Variants in SGCZ observed in about 807,000 individuals in gnomAD.
SGCZ encodes the protein zeta-sarcoglycan.
In SGCZ, 40 loss-of-function variants were observed where a neutral mutation model predicts 41.3. The ratio of observed to expected loss-of-function variants is 0.97; its 90% CI spans 0.75 to 1.26. The LOEUF (loss-of-function observed/expected upper bound fraction) is 1.26. Among genes scored for constraint, SGCZ ranks in the 50% most tolerant of loss-of-function variants. SGCZ has a pLI of 0.00. For synonymous variants in SGCZ, 206 were observed against 137.5 expected (o/e 1.50, Z -3.49); for missense variants, 552 against 369.8 (o/e 1.49, Z -4.04).
intron 2 of SGCZ, among the ~76,000 whole-genome samples, chr8:14,413,972 C>G (rs1381656733): frequency 6.6e-6 from 1 of 151,850 alleles, no homozygotes; most frequent in Non-Finnish European, 1.5e-5. Flanking sequence ...TCCTATTGTT[C>G]TTTAGATTAT....
chr8:14,181,303 G>A (rs1172194706), intron 4 of SGCZ, among the ~76,000 whole-genome samples: 1 of 152,182 alleles, frequency 6.6e-6, no homozygotes, highest in Non-Finnish European at 1.5e-5. Context: ...TTCAATTGTT[G>A]GGTATATTGA....
chr8:14,810,153 A>C (rs1365448733), intron 1 of SGCZ, among the ~76,000 whole-genome samples: 3 of 152,058 alleles, frequency 2.0e-5, no homozygotes. Context: ...ATGAGCTCTT[A>C]TTATCATGGC....
intron 1 of SGCZ, among the ~76,000 whole-genome samples, chr8:14,607,178 T>G (rs2117328954): frequency 6.6e-6 from 1 of 152,200 alleles, no homozygotes; most frequent in African/African-American, 2.4e-5. Context: ...AACCATAAAT[T>G]TATACATACA....
intron 3 of SGCZ, among the ~76,000 whole-genome samples, chr8:14,293,246 T>A (rs151220441): frequency 6.6e-6 from 1 of 152,012 alleles, no homozygotes; most frequent in African/African-American, 2.4e-5. Context: ...GGACAATGGA[T>A]GTGATATATG....
chr8:14,683,530 C>T (rs1389398328), intron 1 of SGCZ, among the ~76,000 whole-genome samples: 1 of 152,100 alleles, frequency 6.6e-6, no homozygotes, highest in African/African-American at 2.4e-5. Flanking sequence ...TAAATAACTT[C>T]TTCCCAAATT....
intron 1 of SGCZ, among the ~76,000 whole-genome samples, chr8:15,114,666 A>G (rs920329124): frequency 5.9e-5 from 9 of 152,160 alleles, no homozygotes; most frequent in African/African-American, 2.2e-4. Context: ...CTGAACCCAT[A>G]CAAATATTCA....
chr8:14,289,450 T>C (rs547524226), intron 3 of SGCZ, among the ~76,000 whole-genome samples: 6 of 152,224 alleles, frequency 3.9e-5, no homozygotes, highest in Non-Finnish European at 7.4e-5. Context: ...TTGTTCAATA[T>C]AGTGCAGGCA....
intron 1 of SGCZ, among the ~76,000 whole-genome samples, chr8:14,747,435 G>A (rs1265956784): frequency 6.6e-6 from 1 of 152,126 alleles, no homozygotes; most frequent in Non-Finnish European, 1.5e-5. Flanking sequence ...CGTCCAGAGA[G>A]AAGCAAATTA....
chr8:14,665,174 C>A (rs941408474), intron 1 of SGCZ, among the ~76,000 whole-genome samples: 2 of 152,138 alleles, frequency 1.3e-5, no homozygotes, highest in Non-Finnish European at 2.9e-5. Flanking sequence ...CTCCCCACCC[C>A]ACAACAGGCC....
At chr8:15,151,012 C>T (rs1799164420) in intron 1 of SGCZ, among the ~76,000 whole-genome samples, 2 of 152,150 alleles carry the variant, frequency 1.3e-5, no homozygotes, top group African/African-American at 4.8e-5. Flanking sequence ...AAGTGGTGGA[C>T]CTATTGGCTT....
chr8:14,268,558 G>C (rs1048784249), intron 3 of SGCZ, among the ~76,000 whole-genome samples: 1 of 151,666 alleles, frequency 6.6e-6, no homozygotes, highest in Non-Finnish European at 1.5e-5. Context: ...TCTGCGTATC[G>C]AAATTAGGGG....
At chr8:15,098,965 G>T (rs1444436254) in intron 1 of SGCZ, among the ~76,000 whole-genome samples, 1 of 152,188 alleles carries the variant, frequency 6.6e-6, no homozygotes, top group South Asian at 2.1e-4. Context: ...GGCTAAGGCA[G>T]GAGAATCACT....
At chr8:14,353,827 T>A (rs1259755649) in intron 2 of SGCZ, among the ~76,000 whole-genome samples, 1 of 152,092 alleles carries the variant, frequency 6.6e-6, no homozygotes, top group African/African-American at 2.4e-5. Flanking sequence ...TAAATAATTT[T>A]AAAGATGAAA....
At chr8:14,811,498 T>C (rs1801736072) in intron 1 of SGCZ, among the ~76,000 whole-genome samples, 3 of 138,724 alleles carry the variant, frequency 2.2e-5, no homozygotes, top group East Asian at 2.3e-4. Context: ...CCATGAAACA[T>C]TCGCTGAAAG....
At chr8:14,891,072 G>A (rs192627212) in intron 1 of SGCZ, among the ~76,000 whole-genome samples, 6 of 152,264 alleles carry the variant, frequency 3.9e-5, no homozygotes, top group Admixed American at 3.3e-4. Flanking sequence ...AAAAGGCCTG[G>A]AGATACACAA....
chr8:14,871,612 T>C (rs1804153271), intron 1 of SGCZ, among the ~76,000 whole-genome samples: 1 of 151,978 alleles, frequency 6.6e-6, no homozygotes, highest in Non-Finnish European at 1.5e-5. Context: ...GAGACCATCC[T>C]GGCCAACACA....
At chr8:14,211,892 A>C (rs1041632576) in intron 4 of SGCZ, among the ~76,000 whole-genome samples, 1 of 152,104 alleles carries the variant, frequency 6.6e-6, no homozygotes, top group South Asian at 2.1e-4. Context: ...GTACCACAGA[A>C]GTGGTACCAC....
At chr8:14,282,318 C>G (rs1484070278) in intron 3 of SGCZ, among the ~76,000 whole-genome samples, 2 of 150,242 alleles carry the variant, frequency 1.3e-5, no homozygotes, top group Admixed American at 1.3e-4. Context: ...TCCACACTCA[C>G]ATTACCATTT....
chr8:14,414,952 G>A (rs561977184), intron 2 of SGCZ, among the ~76,000 whole-genome samples: 1 of 152,046 alleles, frequency 6.6e-6, no homozygotes, highest in Admixed American at 6.6e-5. Flanking sequence ...GGCACTTCAA[G>A]AAAATCACTT....
Sources: allele counts gnomAD v4.1 joint callset (sites outside exome capture counted in the v4.1 genomes callset), GRCh38; gene constraint gnomAD v4.1.1; transcripts MANE v1.5; gene names NCBI Gene and HGNC (gene_info 2026-07-23, HGNC 2026-07-21).